The following CFAP46 variants were observed in gnomAD, a reference collection of about 807,000 sequenced individuals.
CFAP46 encodes cilia and flagella associated protein 46.
In CFAP46, 245 loss-of-function variants were observed where a neutral mutation model predicts 325.7. The observed-to-expected ratio is 0.75, with a 90% CI of 0.68 to 0.84. The LOEUF (loss-of-function observed/expected upper bound fraction) is 0.84. Among genes scored for constraint, CFAP46 ranks in the 40% least tolerant of loss-of-function variants. CFAP46 has a pLI of 0.00. For missense variants in CFAP46, 3,346 were observed against 3,543.0 expected (o/e 0.94, Z 1.41); for synonymous variants, 1,523 against 1,495.9 (o/e 1.02, Z -0.42).
Position 132,846,919 on chromosome 10 carries a change from G to C in CFAP46, c.6267+13C>G. 2 of 1,603,594 alleles carry C rather than the reference G, an allele frequency of 1.2e-6. No individual in the cohort carries two copies. The highest frequency in any genetic ancestry group is 1.7e-6 in the Non-Finnish European group (2 of 1,175,704). On this transcript the variant is annotated intron_variant, in intron 43 of 57. Transcript: ENST00000368586. ...GAAGGGCCTGGCTGGAGGTGGGCAG[G>C]GCAGAGACACACCTGAGACAGAGCC...
Position 132,886,082 on chromosome 10 carries a change from G to T in CFAP46, c.3305-123C>A. ...GAGGTGGAACCGCGGCTACAGAGGT[G>T]CCCAGGCCAGCGCATGCCCCGCAGG... On this transcript the variant is annotated intron_variant, in intron 25 of 57. Transcript: ENST00000368586. This position sits in a 1 kb window ranked among gnomAD's most constrained non-coding sequence, Gnocchi z 5.8. 1 of 1,303,714 alleles carries T rather than the reference G, an allele frequency of 7.7e-7. No homozygotes were observed. The highest frequency in any genetic ancestry group is 1.0e-6 in the Non-Finnish European group (1 of 952,966). The allele number at this position is 1,303,714 out of a possible 1,614,324, so 80.8% of individuals were successfully genotyped here.
chr10:132,890,099 T>C (rs929684651), intron 25 of CFAP46, among the ~76,000 whole-genome samples: 73 of 152,210 alleles, frequency 4.8e-4, no homozygotes, highest in African/African-American at 1.6e-3. Context: ...TTTATTTTGG[T>C]GAAAGGAGTA....
At chr10:132,907,155 G>A (rs547660617) in intron 22 of CFAP46, among the ~76,000 whole-genome samples, 1 of 152,402 alleles carries the variant, frequency 6.6e-6, no homozygotes, top group South Asian at 2.1e-4. Flanking sequence ...GGCAGGTGCT[G>A]CCCACGCTGG....
chr10:132,833,550 T>C, intron 49 of CFAP46, 25 bp from the exon 50 acceptor site: 1 of 1,600,984 alleles, frequency 6.2e-7, no homozygotes, highest in Non-Finnish European at 8.5e-7. Flanking sequence ...TGCAGGGAGA[T>C]CAGCTCCTGA....
At position 132,919,999 on chromosome 10, in the gene CFAP46, T is replaced by G; in HGVS notation, c.1730+60A>C. ...GCTCAGCCGCCACAGACACTGGCCC[T>G]CGGGCTGAGCGACCCCCGGGCTGAG... On this transcript the variant is annotated intron_variant, in intron 14 of 57. Coordinates refer to ENST00000368586, the MANE Select transcript of CFAP46 (RefSeq NM_001200049.3). This position sits in a 1 kb window ranked among gnomAD's most constrained non-coding sequence, Gnocchi z 9.7. 1.4e-6 allele frequency: 2 copies of G among 1,442,048 alleles called. No individual in the cohort carries two copies. Among genetic ancestry groups the G allele is most frequent in the Non-Finnish European group, 1.8e-6 (2 of 1,095,216 alleles). 89.3% of individuals were successfully genotyped at this position (1,442,048 alleles called of 1,614,324 possible). A position where few individuals can be genotyped will look rare whatever the true frequency, so the allele number is the denominator to read the frequency against.
At position 132,869,936 on chromosome 10, in the gene CFAP46, T is replaced by C. The variant is rs1848873859; in HGVS notation, c.4512-564A>G. 6.6e-6 allele frequency among the ~76,000 whole-genome samples: 1 copy of C among 152,350 alleles called. No individual in the cohort carries two copies. The highest frequency in any genetic ancestry group is 2.1e-4 in the South Asian group (1 of 4,826). On this transcript the variant is annotated intron_variant, in intron 32 of 57. Coordinates refer to ENST00000368586, the MANE Select transcript of CFAP46 (RefSeq NM_001200049.3). This position sits in a 1 kb window ranked among gnomAD's most constrained non-coding sequence, Gnocchi z 6.2. ...CTCCATTTATCAAACTGTGCTGTAT[T>C]GCGCTGCTCAGATGTTGCATATTTT...
chr10:132,808,817 C>T lies in CFAP46; in HGVS notation c.7752G>A (p.Trp2584Ter). 6.2e-7 allele frequency: 1 copy of T among 1,608,934 alleles called. No homozygotes were observed. The highest frequency in any genetic ancestry group is 8.5e-7 in the Non-Finnish European group (1 of 1,177,914). Residue 2584 changes from tryptophan to a stop codon, truncating the protein, a stop_gained, in exon 58 of 58, where the codon TGG (tryptophan) becomes TGA (stop). Coordinates refer to ENST00000368586, the MANE Select transcript of CFAP46 (RefSeq NM_001200049.3). LOFTEE classifies it low-confidence loss of function (END_TRUNC). The surrounding 1 kb of genome is among the most constrained non-coding windows in gnomAD (Gnocchi z 6.8). ...CTACCCGATGGCTTGGTGCGGCAGCCCATACAGGACCAAGTTGAGCGTGGT... is the reference window on the plus strand; with the variant it reads ...CTACCCGATGGCTTGGTGCGGCAGCTCATACAGGACCAAGTTGAGCGTGGT... ...PSHHAQLGPV[W>*]AAAPSHRVVQ...
chr10:132,909,446 G>A (rs368874583), intron 20 of CFAP46, among the ~76,000 whole-genome samples: 2 of 152,222 alleles, frequency 1.3e-5, no homozygotes, highest in African/African-American at 4.8e-5. Context: ...AGTCCGTGCG[G>A]CCCCCATGTG....
In CFAP46 at chr10:132,876,630, T is replaced by G. The variant is rs989545126; in HGVS notation, c.4362+182A>C. Among the ~76,000 whole-genome samples, 9 of 152,194 alleles carry G rather than the reference T, an allele frequency of 5.9e-5. No individual in the cohort carries two copies. The highest frequency in any genetic ancestry group is 2.1e-4 in the South Asian group (1 of 4,830). ...GGGAAAGAAGGAAGGCTTTCCTAAG[T>G]GTCGGCAGTTGAGGGCAGACAGTGG... On this transcript the variant is annotated intron_variant, in intron 31 of 57. Coordinates refer to ENST00000368586, the MANE Select transcript of CFAP46 (RefSeq NM_001200049.3). The surrounding 1 kb of genome is among the most constrained non-coding windows in gnomAD (Gnocchi z 4.1).
chr10:132,883,149 G>A (rs1849072613), intron 27 of CFAP46, among the ~76,000 whole-genome samples: 1 of 152,210 alleles, frequency 6.6e-6, no homozygotes. Flanking sequence ...AAACGTGTTT[G>A]TGCCACAAAT....
chr10:132,907,131 C>T (rs1025691922), intron 22 of CFAP46, among the ~76,000 whole-genome samples: 1 of 152,280 alleles, frequency 6.6e-6, no homozygotes. Context: ...GGGCCTGGGG[C>T]GCTCCTTGCC....
At chr10:132,814,473 C>T (rs527976928) in intron 53 of CFAP46, 104 bp downstream of exon 53, 81 of 1,406,770 alleles carry the variant, frequency 5.8e-5, no homozygotes, top group Admixed American at 1.5e-4. Flanking sequence ...ATGCAGATTT[C>T]GGAGCCTCGA....
intron 8 of CFAP46, among the ~76,000 whole-genome samples, chr10:132,931,651 C>G: frequency 7.1e-6 from 1 of 140,412 alleles, no homozygotes; most frequent in East Asian, 2.2e-4. Flanking sequence ...CCTGGGCCTC[C>G]CTACACTCCC....
intron 50 of CFAP46, among the ~76,000 whole-genome samples, chr10:132,824,221 G>GA: frequency 7.2e-6 from 1 of 138,500 alleles, no homozygotes; most frequent in South Asian, 2.4e-4. Context: ...TGTGTGTGCT[G>GA]TGTGTTGTGT....
At chr10:132,933,858 A>G (rs754943883) in intron 8 of CFAP46, among the ~76,000 whole-genome samples, 2 of 152,198 alleles carry the variant, frequency 1.3e-5, no homozygotes, top group Non-Finnish European at 2.9e-5. Context: ...CCCCTTCCCC[A>G]GTCCAGCCTC....
At position 132,869,401 on chromosome 10, in the gene CFAP46, T is replaced by C; in HGVS notation, c.4512-29A>G. On this transcript the variant is annotated intron_variant, in intron 32 of 57. Transcript: ENST00000368586. The surrounding 1 kb of genome is among the most constrained non-coding windows in gnomAD (Gnocchi z 6.2). The stretch of plus-strand genomic sequence containing the variant: ...TGGGGAGTGTGGCCGAAAGAGTCAG[T>C]GTTGCACGGGCGCAGAGGGAGCCAG... The C allele has an allele frequency of 6.7e-7, 1 of 1,492,866 alleles. No homozygotes were observed. The highest frequency in any genetic ancestry group is 9.0e-7 in the Non-Finnish European group (1 of 1,114,732). The allele number at this position is 1,492,866 out of a possible 1,614,324, so 92.5% of individuals were successfully genotyped here.
At chr10:132,818,085 G>T (rs555671719) in intron 50 of CFAP46, among the ~76,000 whole-genome samples, 77 of 152,230 alleles carry the variant, frequency 5.1e-4, no homozygotes, top group African/African-American at 1.8e-3. Flanking sequence ...ACGCGACGTC[G>T]CAGGCTCACA....
intron 54 of CFAP46, among the ~76,000 whole-genome samples, chr10:132,813,149 C>T (rs993149932): frequency 5.3e-5 from 8 of 152,124 alleles, no homozygotes; most frequent in Non-Finnish European, 8.8e-5. Context: ...CACCCCTACT[C>T]GGGCGGGGCT....
Position 132,919,228 on chromosome 10 carries a change from G to T in CFAP46, c.1858+87C>A, listed in dbSNP as rs560096827. 8.6e-6 allele frequency: 12 copies of T among 1,393,734 alleles called. No individual in the cohort carries two copies. The East Asian group carries it at 2.3e-4, about 27-fold the overall frequency. The allele number at this position is 1,393,734 out of a possible 1,614,324, so 86.3% of individuals were successfully genotyped here. On this transcript the variant is annotated intron_variant, in intron 15 of 57. Coordinates refer to ENST00000368586, the MANE Select transcript of CFAP46 (RefSeq NM_001200049.3). This position sits in a 1 kb window ranked among gnomAD's most constrained non-coding sequence, Gnocchi z 9.7. ...GCTTTCTCATGCGAAGGCCCCATGG[G>T]TTGTCATTGCACGAACCACAACCCT...
Sources: allele counts gnomAD v4.1 joint callset (sites outside exome capture counted in the v4.1 genomes callset), GRCh38; gene constraint gnomAD v4.1.1; non-coding constraint Gnocchi (gnomAD v3.1); transcripts MANE v1.5; gene names NCBI Gene and HGNC (gene_info 2026-07-23, HGNC 2026-07-21).